The following SLC25A48 variants were observed in gnomAD, a reference collection of about 807,000 sequenced individuals.
SLC25A48 encodes the protein CTC-321K16.1.
A neutral mutation model predicts 32.2 loss-of-function variants in SLC25A48; 29 were observed. The observed-to-expected ratio is 0.90, with a 90% confidence interval of 0.67 to 1.23. The LOEUF (loss-of-function observed/expected upper bound fraction) is 1.23. SLC25A48 is among the 50% of genes most tolerant of loss of function. The pLI is 0.00. For synonymous variants in SLC25A48, 164 were observed against 172.3 expected (o/e 0.95, Z 0.38); for missense variants, 399 against 422.7 (o/e 0.94, Z 0.49).
intron 3 of SLC25A48, among the ~76,000 whole-genome samples, chr5:135,740,886 G>C (rs1755487288): frequency 6.6e-6 from 1 of 152,146 alleles, no homozygotes; most frequent in Non-Finnish European, 1.5e-5. Context: ...TTACAGGCGT[G>C]AGCCACTGCC....
chr5:135,842,547 CAG>C, intron 2 of SLC25A48, 88 bp downstream of exon 2: 2 of 1,347,186 alleles, frequency 1.5e-6, no homozygotes, highest in Non-Finnish European at 2.1e-6. Context: ...TCTAATCTCT[CAG>C]AGAGTCTTCT....
At chr5:135,704,298 T>C (rs1754460343) in intron 3 of SLC25A48, among the ~76,000 whole-genome samples, 1 of 152,230 alleles carries the variant, frequency 6.6e-6, no homozygotes, top group African/African-American at 2.4e-5. Context: ...CTCAGTTATA[T>C]CAGATGCCCC....
intron 6 of SLC25A48, among the ~76,000 whole-genome samples, chr5:135,879,590 G>C (rs1376392140): frequency 3.0e-4 from 39 of 130,064 alleles, no homozygotes; most frequent in African/African-American, 8.6e-4. Flanking sequence ...CGAGGAGAGA[G>C]AGAGAGAGAG....
At chr5:135,706,144 G>A (rs924605801) in intron 3 of SLC25A48, among the ~76,000 whole-genome samples, 1 of 152,178 alleles carries the variant, frequency 6.6e-6, no homozygotes, top group South Asian at 2.1e-4. Flanking sequence ...TGGCACCTGG[G>A]TAAACATAGC....
chr5:135,773,733 G>C (rs1172823090), intron 3 of SLC25A48, among the ~76,000 whole-genome samples: 1 of 149,942 alleles, frequency 6.7e-6, no homozygotes, highest in African/African-American at 2.5e-5. Context: ...GTACACCACT[G>C]CTGTGACATT....
intron 3 of SLC25A48, among the ~76,000 whole-genome samples, chr5:135,695,719 G>T (rs958818687): frequency 6.6e-6 from 1 of 152,266 alleles, no homozygotes; most frequent in East Asian, 1.9e-4. Flanking sequence ...GACCCCAGCC[G>T]GAGGACAGAG....
In SLC25A48 at chr5:135,865,123, T is replaced by C. The variant is rs540355593; in HGVS notation, c.422-6338T>C. ...CAAATGAGGTGGACAGGCCACTTAT[T>C]CTCTGCCTTTCACAGATCATGAGGA... On this transcript the variant is annotated intron_variant, in intron 4 of 7. Coordinates refer to ENST00000681962, the MANE Select transcript of SLC25A48 (RefSeq NM_001349336.2). Among the ~76,000 whole-genome samples the C allele has an allele frequency of 2.6e-5, 4 of 152,362 alleles. No homozygotes were observed. In the East Asian group the frequency reaches 5.8e-4, roughly 22 times the overall value.
intron 3 of SLC25A48, among the ~76,000 whole-genome samples, chr5:135,725,779 G>C (rs1037323586): frequency 4.6e-4 from 70 of 152,096 alleles, no homozygotes; most frequent in African/African-American, 1.6e-3. Context: ...ATCTCAGATA[G>C]CTGTGTCCTC....
At chr5:135,769,755 C>A (rs1460507221) in intron 3 of SLC25A48, among the ~76,000 whole-genome samples, 1 of 151,578 alleles carries the variant, frequency 6.6e-6, no homozygotes, top group Non-Finnish European at 1.5e-5. Context: ...GACGTGTACA[C>A]CCTCCTGTGA....
At chr5:135,620,550 C>T (rs977518562) in intron 1 of SLC25A48, among the ~76,000 whole-genome samples, 2 of 152,102 alleles carry the variant, frequency 1.3e-5, no homozygotes, top group Admixed American at 6.5e-5. Context: ...ACTCATACTT[C>T]AGCCCCGCAG....
chr5:135,748,591 C>T (rs896479989), intron 3 of SLC25A48, among the ~76,000 whole-genome samples: 2 of 152,094 alleles, frequency 1.3e-5, no homozygotes, highest in African/African-American at 4.8e-5. Flanking sequence ...ATTCTCCTTT[C>T]GCTGAGGAAA....
At chr5:135,734,837 G>A (rs7379602) in intron 3 of SLC25A48, among the ~76,000 whole-genome samples, 59,183 of 104,294 alleles carry the variant, frequency 0.57, 13,756 homozygotes, top group Middle Eastern at 0.65. Context: ...AAAAAAAAAA[G>A]AAGAAGAAGA....
At position 135,727,251 on chromosome 5, in the gene SLC25A48, TA is replaced by T. The variant is rs893836662; in HGVS notation, c.-520-85264del. Among the ~76,000 whole-genome samples, 10 of 148,696 alleles carry T rather than the reference TA, an allele frequency of 6.7e-5. 1 individual carries two copies. The highest frequency in any genetic ancestry group is 2.2e-4 in the African/African-American group (9 of 40,112). ...ATAGATATATATGTATGTGTGATAG[TA>T]AAAAAAACACTCTAAAATACATATA... is the stretch of plus-strand genomic sequence containing the variant. On this transcript the variant is annotated intron_variant, in intron 3 of 10. Coordinates refer to the SLC25A48 transcript ENST00000646290.
chr5:135,768,028 T>C (rs1203753936), intron 3 of SLC25A48, among the ~76,000 whole-genome samples: 1 of 139,576 alleles, frequency 7.2e-6, no homozygotes, highest in Non-Finnish European at 1.5e-5. Context: ...ATGTTCATAA[T>C]ATCAAGGGGG....
At chr5:135,640,891 T>C (rs1204554297) in intron 3 of SLC25A48, among the ~76,000 whole-genome samples, 1 of 152,190 alleles carries the variant, frequency 6.6e-6, no homozygotes, top group Non-Finnish European at 1.5e-5. Context: ...GCAAACATCA[T>C]ACTTAATCAT....
chr5:135,619,597 G>C (rs1011609283), intron 1 of SLC25A48, among the ~76,000 whole-genome samples: 1 of 152,106 alleles, frequency 6.6e-6, no homozygotes, highest in East Asian at 1.9e-4. Flanking sequence ...TGCAGATATG[G>C]TGACATGGTG....
chr5:135,718,049 C>T (rs182647131), intron 3 of SLC25A48, among the ~76,000 whole-genome samples: 5 of 152,122 alleles, frequency 3.3e-5, no homozygotes, highest in African/African-American at 1.2e-4. Flanking sequence ...GGTCTGTCGC[C>T]CAGGCTGGGG....
chr5:135,796,329 A>AC (rs1296967340), intron 3 of SLC25A48, among the ~76,000 whole-genome samples: 2 of 149,330 alleles, frequency 1.3e-5, no homozygotes, highest in Admixed American at 1.3e-4. Flanking sequence ...GGGGGTGTGC[A>AC]CCCCCCTGTG....
At chr5:135,714,668 A>C (rs1754753369) in intron 3 of SLC25A48, 1 of 152,222 alleles carries the variant, frequency 6.6e-6, no homozygotes, top group African/African-American at 2.4e-5. Context: ...AACACTGAGC[A>C]TTTCCTATTC....
Sources: gnomAD v4.1 joint callset for allele counts (sites outside exome capture counted in the v4.1 genomes callset) on GRCh38, gnomAD v4.1.1 for gene constraint, MANE v1.5 for transcripts, NCBI Gene and HGNC (gene_info 2026-07-23, HGNC 2026-07-21) for gene names.